The following TMEM267 variants were observed in gnomAD, a reference collection of about 807,000 sequenced individuals.
TMEM267 encodes transmembrane protein 267.
Under a neutral mutation model 19.3 loss-of-function variants are expected in TMEM267, and 20 were observed. The observed-to-expected ratio is 1.04, with a 90% CI of 0.73 to 1.51. TMEM267 has a LOEUF of 1.51. Ranked by LOEUF, TMEM267 falls within the 40% of genes most tolerant of loss-of-function variation. The probability of loss-of-function intolerance (pLI) is 0.00; values close to 1 mark genes in which losing one functional copy is unlikely to be tolerated. For synonymous variants in TMEM267, 88 were observed against 90.3 expected (o/e 0.97, Z 0.15); for missense variants, 242 against 261.9 (o/e 0.92, Z 0.52).
intron 2 of TMEM267, among the ~76,000 whole-genome samples, chr5:43,449,312 TA>T (rs1178837257): frequency 6.6e-6 from 1 of 151,218 alleles, no homozygotes; most frequent in African/African-American, 2.4e-5. Flanking sequence ...ACCAAGAGAA[TA>T]AAAATGATAT....
intron 1 of TMEM267, among the ~76,000 whole-genome samples, chr5:43,457,504 C>A (rs139127486): frequency 6.6e-6 from 1 of 152,096 alleles, no homozygotes; most frequent in Non-Finnish European, 1.5e-5. Flanking sequence ...GAAGGAGTCA[C>A]GTTTTACATG....
At chr5:43,476,881 TAA>T (rs879615349) in intron 1 of TMEM267, among the ~76,000 whole-genome samples, 3 of 142,048 alleles carry the variant, frequency 2.1e-5, no homozygotes. Flanking sequence ...TTTGTATAAG[TAA>T]AAAAAAAAAA....
At chr5:43,466,904 T>C (rs910196400) in intron 1 of TMEM267, among the ~76,000 whole-genome samples, 1 of 151,894 alleles carries the variant, frequency 6.6e-6, no homozygotes, top group Non-Finnish European at 1.5e-5. Flanking sequence ...ATTTCAGCAC[T>C]TTGGGAAAGC....
At chr5:43,464,425 T>C (rs10472383) in intron 1 of TMEM267, among the ~76,000 whole-genome samples, 2,199 of 152,280 alleles carry the variant, frequency 0.014, 43 homozygotes, top group African/African-American at 0.051. Flanking sequence ...AAGTTACCAA[T>C]GACTTTCTTC....
At chr5:43,477,289 A>G (rs1490465092) in intron 1 of TMEM267, among the ~76,000 whole-genome samples, 2 of 152,108 alleles carry the variant, frequency 1.3e-5, no homozygotes, top group Non-Finnish European at 2.9e-5. Flanking sequence ...AACTTCAGTT[A>G]AAATGACACC....
chr5:43,458,214 C>A (rs1004751791), intron 1 of TMEM267, among the ~76,000 whole-genome samples: 17 of 152,112 alleles, frequency 1.1e-4, no homozygotes, highest in African/African-American at 3.1e-4. Flanking sequence ...GATCCCCCTG[C>A]CTCAGCCTCC....
intron 1 of TMEM267, chr5:43,476,080 G>A (rs564205839): frequency 1.6e-4 from 25 of 152,344 alleles, no homozygotes; most frequent in African/African-American, 6.0e-4. Flanking sequence ...AGCACACTGT[G>A]AAGTTTGCAT....
chr5:43,475,301 T>C (rs1222978018), intron 1 of TMEM267, among the ~76,000 whole-genome samples: 1 of 150,284 alleles, frequency 6.7e-6, no homozygotes, highest in Non-Finnish European at 1.5e-5. Flanking sequence ...TTCTCACTCA[T>C]AAGTGGAAGT....
chr5:43,467,139 ACT>A (rs1245130850), intron 1 of TMEM267, among the ~76,000 whole-genome samples: 1 of 132,982 alleles, frequency 7.5e-6, no homozygotes. Context: ...ACAGAGAGAG[ACT>A]CTGTCAAAAA....
Position 43,463,048 on chromosome 5 carries a change from T to C in TMEM267, c.-74-9005A>G, listed in dbSNP as rs1743373509. The stretch of plus-strand genomic sequence containing the variant: ...AAAATCGATAGACCGCTAGCAAGAC[T>C]AATAAAGAAGAAAAGAGAGAAGAAT... On this transcript the variant is annotated intron_variant, in intron 1 of 2. Transcript: ENST00000397080. 2.6e-5 allele frequency among the ~76,000 whole-genome samples: 4 copies of C among 151,678 alleles called. No individual in the cohort carries two copies. The South Asian group carries it at 8.3e-4, about 31-fold the overall frequency.
At chr5:43,460,654 GGCACT>G (rs1743206692) in intron 1 of TMEM267, among the ~76,000 whole-genome samples, 1 of 152,130 alleles carries the variant, frequency 6.6e-6, no homozygotes, top group Non-Finnish European at 1.5e-5. Context: ...AGCATCTCTG[GGCACT>G]GAGGGAGGGA....
chr5:43,460,554 A>C (rs1743199664), intron 1 of TMEM267, among the ~76,000 whole-genome samples: 1 of 152,204 alleles, frequency 6.6e-6, no homozygotes, highest in South Asian at 2.1e-4. Context: ...GGGATTAAAA[A>C]AAAAACAAAA....
chr5:43,465,820 G>C (rs1052673164), intron 1 of TMEM267, among the ~76,000 whole-genome samples: 1 of 152,050 alleles, frequency 6.6e-6, no homozygotes, highest in Non-Finnish European at 1.5e-5. Context: ...GGGGGAAGTG[G>C]GGAGGGATAG....
At chr5:43,454,450 C>T (rs116010984) in intron 1 of TMEM267, 1 of 153,056 alleles carries the variant, frequency 6.5e-6, no homozygotes, top group African/African-American at 2.4e-5. Context: ...AACTCCAGAG[C>T]TCACCAATTA....
intron 2 of TMEM267, among the ~76,000 whole-genome samples, chr5:43,448,307 C>T (rs573288887): frequency 5.3e-5 from 8 of 152,160 alleles, no homozygotes; most frequent in Non-Finnish European, 8.8e-5. Flanking sequence ...CTTTTGTCTT[C>T]ACCTTTGTTT....
At chr5:43,482,045 G>A (rs974484601) in intron 1 of TMEM267, among the ~76,000 whole-genome samples, 7 of 152,204 alleles carry the variant, frequency 4.6e-5, no homozygotes, top group African/African-American at 1.7e-4. Context: ...GGTTTCACCC[G>A]TGTTAGCCAG....
In TMEM267 at chr5:43,446,302, G is replaced by C. The variant is rs2111992043; in HGVS notation, c.568C>G (p.His190Asp). Reference sequence around the variant, plus strand: ...AAATACATAACGAATGAACAGATGTGAGGTAAAGATGATGTGATTATTACA... The same window carrying C: ...AAATACATAACGAATGAACAGATGTCAGGTAAAGATGATGTGATTATTACA... The part of the protein sequence containing the change: ...LYVIITSSLP[H>D]ICSFVMYLTG... The change falls in exon 3 of 3, where the codon CAC becomes GAC. Residue 190 changes from histidine (H) to aspartate (D), a missense_variant. Coordinates refer to ENST00000397080, the MANE Select transcript of TMEM267 (RefSeq NM_022483.5). The C allele has an allele frequency of 6.2e-7, 1 of 1,613,750 alleles. No individual in the cohort carries two copies. The highest frequency in any genetic ancestry group is 8.5e-7 in the Non-Finnish European group (1 of 1,179,634).
At chr5:43,481,414 A>G (rs1353516221) in intron 1 of TMEM267, among the ~76,000 whole-genome samples, 1 of 151,956 alleles carries the variant, frequency 6.6e-6, no homozygotes, top group Non-Finnish European at 1.5e-5. Context: ...CTAACTCTAC[A>G]TTTTACATGA....
intron 1 of TMEM267, among the ~76,000 whole-genome samples, chr5:43,460,231 C>T (rs1048550493): frequency 1.3e-5 from 2 of 151,984 alleles, no homozygotes; most frequent in Non-Finnish European, 2.9e-5. Context: ...GCTAGCCTGC[C>T]GTTCACCTCC....
Sources: allele counts gnomAD v4.1 joint callset (sites outside exome capture counted in the v4.1 genomes callset), GRCh38; gene constraint gnomAD v4.1.1; transcripts MANE v1.5; gene names NCBI Gene and HGNC (gene_info 2026-07-23, HGNC 2026-07-21).